ITK: variants seen among roughly 807,000 people sequenced by gnomAD.
ITK encodes the protein IL2 inducible T cell kinase.
A neutral mutation model predicts 87.6 loss-of-function variants in ITK; 45 were observed. The ratio of observed to expected loss-of-function variants is 0.51; its 90% confidence interval spans 0.40 to 0.66. The LOEUF is 0.66. Ranked by LOEUF, ITK falls within the 30% of genes least tolerant of loss-of-function variation. ITK has a pLI of 0.00. For missense variants in ITK, 605 were observed against 766.3 expected (o/e 0.79, Z 2.48); for synonymous variants, 303 against 273.6 (o/e 1.11, Z -1.06).
At chr5:157,184,094 G>T (rs574033958) in intron 1 of ITK, among the ~76,000 whole-genome samples, 1 of 152,202 alleles carries the variant, frequency 6.6e-6, no homozygotes, top group Admixed American at 6.5e-5. Context: ...AGATTTGGCA[G>T]GTGGTAGCTT....
intron 1 of ITK, among the ~76,000 whole-genome samples, chr5:157,207,690 C>T (rs1754110954): frequency 6.6e-6 from 1 of 152,010 alleles, no homozygotes; most frequent in Non-Finnish European, 1.5e-5. Flanking sequence ...TTAGATACTC[C>T]TTAATCCAGT....
In ITK at chr5:157,204,848, A is replaced by G. The variant is rs1187892848; in HGVS notation, c.139-4041A>G. ...TAAAGTTGTTTTTACTTAAAAAACT[A>G]AAAACCAGACACCACAAAGCTTTCC... is the stretch of plus-strand genomic sequence containing the variant. On this transcript the variant is annotated intron_variant, in intron 1 of 16. Transcript: ENST00000422843. 2.6e-5 allele frequency among the ~76,000 whole-genome samples: 4 copies of G among 152,260 alleles called. No homozygotes were observed. The East Asian group carries it at 7.7e-4, about 29-fold the overall frequency.
At chr5:157,207,482 G>A (rs559969108) in intron 1 of ITK, among the ~76,000 whole-genome samples, 8 of 131,220 alleles carry the variant, frequency 6.1e-5, no homozygotes, top group South Asian at 2.6e-4. Context: ...CCGGATTCAC[G>A]CCATTCTCCT....
At chr5:157,217,814 G>A (rs1357435350) in intron 4 of ITK, 53 bp from the exon 5 acceptor site, 2 of 1,537,168 alleles carry the variant, frequency 1.3e-6, no homozygotes, top group Non-Finnish European at 1.8e-6. Context: ...ACTTCCGGTT[G>A]GGTCCATTAG....
chr5:157,246,119 A>T lies in ITK; in HGVS notation c.1633+120A>T, dbSNP rs1042205429. 6 of 799,468 alleles carry T rather than the reference A, an allele frequency of 7.5e-6. No individual in the cohort carries two copies. The African/African-American group carries it at 8.5e-5, about 11-fold the overall frequency. The allele number at this position is 799,468 out of a possible 1,614,324, so 49.5% of individuals were successfully genotyped here. A position where few individuals can be genotyped will look rare whatever the true frequency, so the allele number is the denominator to read the frequency against. ...CTGTATCATATCATGAGGGTGTCCC[A>T]CTGGAGGGTTGTGTAAGAAAGGCCC... On this transcript the variant is annotated intron_variant, in intron 15 of 16. Transcript: ENST00000422843.
At chr5:157,216,346 G>A (rs1191302947) in intron 4 of ITK, among the ~76,000 whole-genome samples, 2 of 152,154 alleles carry the variant, frequency 1.3e-5, no homozygotes, top group African/African-American at 4.8e-5. Context: ...TGCAATATGG[G>A]GATAATGATA....
At chr5:157,238,296 A>C in intron 9 of ITK, 105 bp downstream of exon 9, 3 of 853,012 alleles carry the variant, frequency 3.5e-6, no homozygotes, top group Non-Finnish European at 4.0e-6. Context: ...GTAGAGGCTC[A>C]CTAGAAATGG....
At chr5:157,209,493 A>AAATTAAGC (rs1754146513) in intron 2 of ITK, among the ~76,000 whole-genome samples, 1 of 152,182 alleles carries the variant, frequency 6.6e-6, no homozygotes, top group South Asian at 2.1e-4. Context: ...TATTGAACAA[A>AAATTAAGC]AATTAAGCAC....
chr5:157,220,247 T>C (rs959904599), intron 5 of ITK, among the ~76,000 whole-genome samples: 3 of 152,134 alleles, frequency 2.0e-5, no homozygotes, highest in African/African-American at 7.2e-5. Context: ...AGATGTAAAA[T>C]ATCCATGGTC....
At chr5:157,220,215 G>A (rs1370787361) in intron 5 of ITK, among the ~76,000 whole-genome samples, 3 of 152,184 alleles carry the variant, frequency 2.0e-5, no homozygotes, top group African/African-American at 4.8e-5. Context: ...TCTGGGGGTT[G>A]GGGGATGGCT....
intron 6 of ITK, among the ~76,000 whole-genome samples, chr5:157,224,873 T>A (rs1267560585): frequency 6.6e-6 from 1 of 152,210 alleles, no homozygotes; most frequent in African/African-American, 2.4e-5. Context: ...GACATTTAGT[T>A]GCCAGTTTAT....
At chr5:157,245,665 A>G in intron 13 of ITK, 61 bp from the exon 14 acceptor site, 1 of 1,316,968 alleles carries the variant, frequency 7.6e-7, no homozygotes. Flanking sequence ...GAGACTCCTT[A>G]ACTACTGATG....
intron 1 of ITK, among the ~76,000 whole-genome samples, chr5:157,202,746 G>A (rs1423759565): frequency 6.6e-6 from 1 of 152,010 alleles, no homozygotes; most frequent in African/African-American, 2.4e-5. Context: ...TTAGATATTG[G>A]GTTAAACAAA....
intron 8 of ITK, among the ~76,000 whole-genome samples, chr5:157,234,668 A>G (rs1047028926): frequency 6.6e-6 from 1 of 152,196 alleles, no homozygotes; most frequent in Non-Finnish European, 1.5e-5. Flanking sequence ...AAACTAACAC[A>G]GGAATAGAAA....
At position 157,224,927 on chromosome 5, in the gene ITK, G is replaced by T. The variant is rs184317336; in HGVS notation, c.647+1913G>T. Among the ~76,000 whole-genome samples the T allele has an allele frequency of 3.3e-5, 5 of 151,772 alleles. 1 individual carries two copies. The highest frequency in any genetic ancestry group is 3.3e-4 in the Admixed American group (5 of 15,238). ...CAAACAAGGCTTTAATGAAGATCTT[G>T]TATTCATGTATCTTGGCCATCTTTG... On this transcript the variant is annotated intron_variant, in intron 6 of 16. Transcript: ENST00000422843.
intron 11 of ITK, among the ~76,000 whole-genome samples, chr5:157,243,404 T>C (rs1038281309): frequency 6.6e-6 from 1 of 152,250 alleles, no homozygotes; most frequent in Admixed American, 6.5e-5. Context: ...TCTTCATTAA[T>C]GCCACTCTCC....
chr5:157,228,009 G>C (rs1370863794), intron 6 of ITK, among the ~76,000 whole-genome samples: 1 of 150,872 alleles, frequency 6.6e-6, no homozygotes, highest in African/African-American at 2.4e-5. Context: ...TTTTTTGTGT[G>C]TGTGTAGTTT....
intron 5 of ITK, chr5:157,222,638 C>T (rs1461333475): frequency 5.3e-6 from 3 of 567,110 alleles, no homozygotes; most frequent in South Asian, 2.0e-5. Flanking sequence ...GTGAAAATCA[C>T]GTGGCTGCTT....
At chr5:157,232,921 GGCCTGACTCA>G (rs1754688909) in intron 8 of ITK, among the ~76,000 whole-genome samples, 1 of 152,146 alleles carries the variant, frequency 6.6e-6, no homozygotes, top group East Asian at 1.9e-4. Context: ...ACTCTGATTC[GGCCTGACTCA>G]GCTGTGAGTC....
Sources: gnomAD v4.1 joint callset for allele counts (sites outside exome capture counted in the v4.1 genomes callset) on GRCh38, gnomAD v4.1.1 for gene constraint, MANE v1.5 for transcripts, NCBI Gene and HGNC (gene_info 2026-07-23, HGNC 2026-07-21) for gene names.